The following CIMIP3 variants were observed in gnomAD, a reference collection of about 807,000 sequenced individuals.
CIMIP3 encodes the protein GUCA1A neighbor.
chr6:42,161,615 C>T, the CIMIP3 span, among the ~76,000 whole-genome samples: 1 of 151,962 alleles, frequency 6.6e-6, no homozygotes, highest in African/African-American at 2.4e-5. Flanking sequence ...TGGGGGCCTC[C>T]TAGAGATTGA....
At chr6:42,160,195 C>G in the CIMIP3 span, among the ~76,000 whole-genome samples, 1 of 151,972 alleles carries the variant, frequency 6.6e-6, no homozygotes, top group Non-Finnish European at 1.5e-5. Flanking sequence ...CCCCATGTTG[C>G]CCAGGCTGGT....
chr6:42,161,656 G>A, the CIMIP3 span, among the ~76,000 whole-genome samples: 1 of 152,134 alleles, frequency 6.6e-6, no homozygotes, highest in East Asian at 1.9e-4. Context: ...AACCAAGAGT[G>A]GTGGTTAGGA....
the CIMIP3 span, among the ~76,000 whole-genome samples, chr6:42,159,074 C>T: frequency 9.2e-5 from 14 of 151,986 alleles, no homozygotes; most frequent in African/African-American, 2.9e-4. Flanking sequence ...CAGGAAAGGA[C>T]GCATTCTCCA....
At chr6:42,162,914 T>A in the CIMIP3 span, 1 of 626,316 alleles carries the variant, frequency 1.6e-6, no homozygotes, top group Admixed American at 2.5e-5. Context: ...CTTTCCCCCC[T>A]CCCAGGACTC....
chr6:42,161,509 G>A, the CIMIP3 span, among the ~76,000 whole-genome samples: 1 of 152,188 alleles, frequency 6.6e-6, no homozygotes, highest in Non-Finnish European at 1.5e-5. Flanking sequence ...CTGAAACGTG[G>A]TGTGGGGATT....
the CIMIP3 span, among the ~76,000 whole-genome samples, chr6:42,158,321 G>A: frequency 9.2e-5 from 14 of 152,304 alleles, no homozygotes; most frequent in East Asian, 2.7e-3. Flanking sequence ...CCTAGAAAGG[G>A]CAGGGGAGGG....
At chr6:42,163,095 G>T in the CIMIP3 span, 7 of 715,072 alleles carry the variant, frequency 9.8e-6, no homozygotes, top group African/African-American at 1.7e-5. Flanking sequence ...GACAAGCTCA[G>T]GTTCAATTTC....
chr6:42,162,582 A>ACACAGGAGCCAGGCCAAGGACACGGACAG, the CIMIP3 span, among the ~76,000 whole-genome samples: 1 of 149,920 alleles, frequency 6.7e-6, no homozygotes, highest in Non-Finnish European at 1.5e-5. Context: ...GGGGAGGGCC[A>ACACAGGAGCCAGGCCAAGGACACGGACAG]CACAGGAGCC....
the CIMIP3 span, among the ~76,000 whole-genome samples, chr6:42,161,968 C>T: frequency 1.3e-5 from 2 of 151,826 alleles, no homozygotes; most frequent in African/African-American, 4.8e-5. Context: ...GGCTGGGGAA[C>T]ACCTGAGCCA....
At chr6:42,155,543 G>A in the CIMIP3 span, 2 of 717,392 alleles carry the variant, frequency 2.8e-6, no homozygotes, top group Non-Finnish European at 5.2e-6. Flanking sequence ...AAGCCTGATG[G>A]GCAGGAAAGA....
the CIMIP3 span, among the ~76,000 whole-genome samples, chr6:42,160,132 C>T: frequency 6.7e-6 from 1 of 150,018 alleles, no homozygotes; most frequent in South Asian, 2.2e-4. Context: ...ACCATAGGTG[C>T]ATGCCACCAT....
chr6:42,162,187 G>T, the CIMIP3 span, among the ~76,000 whole-genome samples: 3 of 150,556 alleles, frequency 2.0e-5, no homozygotes, highest in African/African-American at 7.3e-5. Context: ...GCCGAGGCGG[G>T]TGAATCACCT....
chr6:42,160,821 G>A, the CIMIP3 span, among the ~76,000 whole-genome samples: 2,473 of 152,322 alleles, frequency 0.016, 30 homozygotes, highest in Middle Eastern at 0.027. Context: ...ACCTGGGTAG[G>A]AACCAATAGG....
At chr6:42,162,087 ATTCTTTTTTTTTTTTTTTTT>A in the CIMIP3 span, among the ~76,000 whole-genome samples, 11,439 of 111,794 alleles carry the variant, frequency 0.1, 1,004 homozygotes, top group African/African-American at 0.28. Flanking sequence ...TGGAAGCCAC[ATTCTTTTTTTTTTTTTTTTT>A]TTTTTTTTTT....
the CIMIP3 span, among the ~76,000 whole-genome samples, chr6:42,158,153 G>T: frequency 2.6e-5 from 4 of 152,340 alleles, no homozygotes; most frequent in East Asian, 5.8e-4. Context: ...CGAGGAGCAT[G>T]TGAGCAAAGA....
At chr6:42,155,818 T>A in the CIMIP3 span, among the ~76,000 whole-genome samples, 1 of 152,074 alleles carries the variant, frequency 6.6e-6, no homozygotes, top group Non-Finnish European at 1.5e-5. Context: ...AAATAATAAT[T>A]GTAGCTAAAG....
chr6:42,156,496 A>G, the CIMIP3 span, among the ~76,000 whole-genome samples: 1 of 151,744 alleles, frequency 6.6e-6, no homozygotes, highest in South Asian at 2.1e-4. Context: ...CTCTCATGCT[A>G]CCCAGTCACA....
At chr6:42,162,801 C>G in the CIMIP3 span, 1 of 534,504 alleles carries the variant, frequency 1.9e-6, no homozygotes, top group East Asian at 3.1e-5. Context: ...CAGCAGTGCT[C>G]CAGAGTGGCT....
the CIMIP3 span, chr6:42,163,211 G>C: frequency 6.7e-5 from 40 of 593,430 alleles, no homozygotes; most frequent in Non-Finnish European, 1.0e-4. Flanking sequence ...CAAGCGCTTT[G>C]ATGTGCCTCC....
Sources: allele counts gnomAD v4.1 joint callset (sites outside exome capture counted in the v4.1 genomes callset), GRCh38; gene constraint gnomAD v4.1.1; transcripts MANE v1.5; gene names NCBI Gene and HGNC (gene_info 2026-07-23, HGNC 2026-07-21).